The following CDK12 variants were observed in gnomAD, a reference collection of about 807,000 sequenced individuals.
The protein encoded by CDK12 is cyclin-dependent kinase 12.
Under a neutral mutation model 133.8 loss-of-function variants are expected in CDK12, and 17 were observed. The observed-to-expected ratio is 0.13, with a 90% confidence interval of 0.09 to 0.19. CDK12 has a LOEUF of 0.19. Ranked by LOEUF, CDK12 falls within the 10% of genes least tolerant of loss-of-function variation. The pLI is 1.00. For missense variants in CDK12, 1,508 were observed against 1,818.7 expected (o/e 0.83, Z 3.11); for synonymous variants, 694 against 683.6 (o/e 1.02, Z -0.24).
chr17:39,491,617 G>T (rs2051609388), intron 3 of CDK12, among the ~76,000 whole-genome samples: 2 of 151,882 alleles, frequency 1.3e-5, no homozygotes, highest in Non-Finnish European at 2.9e-5. Context: ...AGTTCAGAAA[G>T]CAAGCAACTA....
At position 39,532,882 on chromosome 17, in the gene CDK12, G is replaced by A. The variant is rs2054944428; in HGVS notation, c.*1566G>A. ...CAGCATATAGAGTGTTTTAAAAACAGATACATGTCATATAATTTATCTGCA... is the reference window on the plus strand; with the variant it reads ...CAGCATATAGAGTGTTTTAAAAACAAATACATGTCATATAATTTATCTGCA... On this transcript the variant is annotated 3_prime_UTR_variant, in exon 14 of 14. Transcript: ENST00000447079. 1 of 232,904 alleles carries A rather than the reference G, an allele frequency of 4.3e-6. No homozygotes were observed. The allele number at this position is 232,904 out of a possible 1,614,324, so 14.4% of individuals were successfully genotyped here. A position where few individuals can be genotyped will look rare whatever the true frequency, so the allele number is the denominator to read the frequency against.
At chr17:39,550,655 A>G (rs2055916713) in intron 1 of CDK12, 1 of 152,242 alleles carries the variant, frequency 6.6e-6, no homozygotes, top group Non-Finnish European at 1.5e-5. Context: ...AATAAGTGCC[A>G]TGGAGATTAC....
chr17:39,566,516 G>A (rs1369379453), downstream of CDK12, among the ~76,000 whole-genome samples: 12 of 151,876 alleles, frequency 7.9e-5, no homozygotes, highest in African/African-American at 2.7e-4. Flanking sequence ...TGCCCCTTTC[G>A]GCAGTCAGCA....
intron 3 of CDK12, among the ~76,000 whole-genome samples, chr17:39,557,285 A>G (rs2056195828): frequency 6.6e-6 from 1 of 152,116 alleles, no homozygotes; most frequent in African/African-American, 2.4e-5. Context: ...CAGCACTAAG[A>G]TCCTGAGAGA....
chr17:39,480,696 T>TA (rs937537858), intron 2 of CDK12, among the ~76,000 whole-genome samples: 2 of 152,116 alleles, frequency 1.3e-5, no homozygotes, highest in African/African-American at 4.8e-5. Context: ...GTGCTGGGAT[T>TA]ACAGGTGTGA....
At position 39,515,828 on chromosome 17, in the gene CDK12, C is replaced by T. The variant is rs1030563865; in HGVS notation, c.2846+20C>T. ...GATCAGGTACAGCTGTACATGTGCTCTTGAGTGCCCAGGTGTGATAGGTAT... is the reference window on the plus strand; with the variant it reads ...GATCAGGTACAGCTGTACATGTGCTTTTGAGTGCCCAGGTGTGATAGGTAT... On this transcript the variant is annotated intron_variant, in intron 9 of 13. Transcript: ENST00000447079. The T allele has an allele frequency of 1.4e-5, 21 of 1,553,900 alleles. No homozygotes were observed. The highest frequency in any genetic ancestry group is 1.8e-5 in the Non-Finnish European group (20 of 1,131,666).
At chr17:39,526,603 A>G (rs1397935201) in intron 13 of CDK12, among the ~76,000 whole-genome samples, 4 of 152,192 alleles carry the variant, frequency 2.6e-5, no homozygotes, top group African/African-American at 9.7e-5. Context: ...AACCATAGCT[A>G]GTGATGCATC....
At chr17:39,494,163 T>G (rs147984219) in intron 4 of CDK12, among the ~76,000 whole-genome samples, 64 of 152,200 alleles carry the variant, frequency 4.2e-4, no homozygotes, top group African/African-American at 1.5e-3. Context: ...AACCTCTGCC[T>G]CCCGGGTTCA....
intron 8 of CDK12, among the ~76,000 whole-genome samples, chr17:39,512,856 A>G (rs938264903): frequency 2.0e-5 from 3 of 152,238 alleles, no homozygotes; most frequent in Non-Finnish European, 2.9e-5. Flanking sequence ...ATGACCAATG[A>G]AAAATGTTTT....
downstream of CDK12, chr17:39,534,679 C>T (rs1021060995): frequency 1.0e-5 from 2 of 200,660 alleles, no homozygotes; most frequent in Admixed American, 6.0e-5. Context: ...ATTAACTCCC[C>T]CTCCCAGCAA....
chr17:39,556,515 A>T (rs1257926792), intron 3 of CDK12: 1 of 152,314 alleles, frequency 6.6e-6, no homozygotes, highest in East Asian at 1.9e-4. Flanking sequence ...TGCATTGGGC[A>T]CACTGGTTTA....
chr17:39,559,743 G>A (rs909310919), intron 3 of CDK12, among the ~76,000 whole-genome samples: 1 of 151,854 alleles, frequency 6.6e-6, no homozygotes, highest in Non-Finnish European at 1.5e-5. Context: ...GAAGACTGAG[G>A]TGGGAGGATC....
Position 39,531,218 on chromosome 17 carries a change from T to C in CDK12, c.4375T>C (p.Trp1459Arg). 6.6e-7 allele frequency: 1 copy of C among 1,515,840 alleles called. No homozygotes were observed. Among genetic ancestry groups the C allele is most frequent in the Non-Finnish European group, 8.8e-7 (1 of 1,134,052 alleles). 93.9% of individuals were successfully genotyped at this position (1,515,840 alleles called of 1,614,324 possible). The change falls in exon 14 of 14, where the codon TGG (tryptophan) becomes CGG (arginine). Residue 1459 changes from tryptophan to arginine, a missense_variant. Coordinates refer to ENST00000447079, the MANE Select transcript of CDK12 (RefSeq NM_016507.4). ...GASSSGAGLH[W>R]GGPTQSSAYG... Reference sequence around the variant, plus strand: ...CAGCAGCTCAGGAGCAGGCCTTCACTGGGGGGGCCCAACTCAGTCTTCTGC... The same window carrying C: ...CAGCAGCTCAGGAGCAGGCCTTCACCGGGGGGGCCCAACTCAGTCTTCTGC...
At chr17:39,489,394 AG>A (rs1196296474) in intron 2 of CDK12, among the ~76,000 whole-genome samples, 2 of 151,046 alleles carry the variant, frequency 1.3e-5, no homozygotes, top group African/African-American at 2.4e-5. Flanking sequence ...TAGTAGAGAC[AG>A]GGTTTCACCA....
intron 3 of CDK12, among the ~76,000 whole-genome samples, chr17:39,561,981 C>T (rs139485689): frequency 2.6e-4 from 40 of 152,114 alleles, no homozygotes; most frequent in Non-Finnish European, 3.1e-4. Context: ...GCCCTGTCAC[C>T]CAGGCTGGAG....
At chr17:39,524,550 T>C (rs2054378781) in intron 11 of CDK12, 124 bp from the exon 12 acceptor site, 1 of 813,724 alleles carries the variant, frequency 1.2e-6, no homozygotes, top group South Asian at 1.8e-5. Flanking sequence ...TTTTTGGTTA[T>C]TTTTGTTTTC....
At chr17:39,562,400 G>A (rs2056405778) in intron 3 of CDK12, among the ~76,000 whole-genome samples, 1 of 152,176 alleles carries the variant, frequency 6.6e-6, no homozygotes, top group Non-Finnish European at 1.5e-5. Flanking sequence ...GGCTCTGGGA[G>A]GTCCTGACTG....
At chr17:39,488,233 CAA>C (rs111700941) in intron 2 of CDK12, among the ~76,000 whole-genome samples, 8 of 135,862 alleles carry the variant, frequency 5.9e-5, no homozygotes, top group Non-Finnish European at 6.4e-5. Context: ...GTCCCTGTCT[CAA>C]AAAAAAAAAA....
intron 2 of CDK12, among the ~76,000 whole-genome samples, chr17:39,479,239 C>T (rs2050444826): frequency 7.6e-6 from 1 of 131,290 alleles, no homozygotes; most frequent in African/African-American, 2.9e-5. Context: ...GCCCGGGAGG[C>T]GGAGCTTGCA....
Sources: allele counts gnomAD v4.1 joint callset (sites outside exome capture counted in the v4.1 genomes callset), GRCh38; gene constraint gnomAD v4.1.1; transcripts MANE v1.5; gene names NCBI Gene and HGNC (gene_info 2026-07-23, HGNC 2026-07-21).